The following USP9X variants were observed in gnomAD, a reference collection of about 807,000 sequenced individuals.
USP9X encodes ubiquitin specific peptidase 9 X-linked.
A neutral mutation model predicts 190.3 loss-of-function variants in USP9X; 7 were observed. That is an observed-to-expected ratio of 0.04 (90% CI 0.02 to 0.07). USP9X has a LOEUF of 0.07. Among genes scored for constraint, USP9X ranks in the 10% least tolerant of loss-of-function variants. USP9X has a pLI of 1.00. For synonymous variants in USP9X, 645 were observed against 659.5 expected, an observed-to-expected ratio of 0.98 and a Z score of 0.34; for missense variants, 1,010 against 1,916.9, an observed-to-expected ratio of 0.53 and a Z score of 8.83.
At chrX:41,140,363 C>T (rs773262068) in intron 6 of USP9X, among the ~76,000 whole-genome samples, 1 of 111,547 alleles carries the variant, frequency 9.0e-6, no homozygotes, top group South Asian at 3.7e-4. Flanking sequence ...GGTATTCATT[C>T]TTATATGGTG....
chrX:41,163,519 A>G (rs947548819), intron 15 of USP9X, among the ~76,000 whole-genome samples: 4 of 110,635 alleles, frequency 3.6e-5, no homozygotes, highest in African/African-American at 1.3e-4. Flanking sequence ...GGGGAGGCCA[A>G]GGCAAGTGGA....
chrX:41,149,895 T>C (rs1252504102), intron 12 of USP9X, among the ~76,000 whole-genome samples: 2 of 110,088 alleles, frequency 1.8e-5, no homozygotes, highest in African/African-American at 3.3e-5. Context: ...TAGTAGAGAC[T>C]GGGTTTCACC....
Position 41,188,264 on chromosome X carries a change from T to A in USP9X, c.3810+147T>A, listed in dbSNP as rs1396692407. The A allele has an allele frequency of 9.6e-6, 6 of 624,299 alleles. No individual in the cohort carries two copies. The East Asian group carries it at 2.3e-4, about 24-fold the overall frequency. The allele number at this position is 624,299 out of a possible 1,213,427, so 51.4% of individuals were successfully genotyped here. ...AATTAATTGATAGCTATGTTGAGAA[T>A]ATGGTAAAATTTTACTTTGAAAATG... On this transcript the variant is annotated intron_variant, in intron 25 of 44. Coordinates refer to ENST00000378308, the MANE Select transcript of USP9X (RefSeq NM_001039591.3).
Position 41,230,530 on chromosome X carries a change from A to C in USP9X, c.7461A>C (p.Glu2487Asp), listed in dbSNP as rs769126922. ...EEPDDQDAPD[E>D]HESPPPEDAP... ...CAGATGACCAAGATGCTCCAGATGA[A>C]CATGAGTCGCCTCCACCTGAAGATG... is the stretch of plus-strand genomic sequence containing the variant. Residue 2487 changes from glutamate to aspartate, a missense_variant, in exon 44 of 45, where the codon GAA becomes GAC. This residue lies in a region of USP9X where 48 missense variants were observed against 60.4 expected (regional missense o/e 0.79). Coordinates refer to ENST00000378308, the MANE Select transcript of USP9X (RefSeq NM_001039591.3). The C allele has an allele frequency of 1.7e-6, 2 of 1,211,311 alleles. No individual in the cohort carries two copies. Among genetic ancestry groups the C allele is most frequent in the South Asian group, 3.5e-5 (2 of 56,901 alleles).
At chrX:41,134,921 G>T in intron 5 of USP9X, 84 bp downstream of exon 5, 1 of 693,260 alleles carries the variant, frequency 1.4e-6, no homozygotes, top group South Asian at 3.5e-5. Flanking sequence ...GTGTGGCTGT[G>T]TTATATTTAT....
Position 41,217,318 on chromosome X carries a change from G to A in USP9X, c.6184G>A (p.Val2062Ile), listed in dbSNP as rs749659026. Reference protein sequence around the residue: ...LFTTGFHTKKVVRGSASDWYD... With the variant: ...LFTTGFHTKKIVRGSASDWYD... ...TACTACAGGATTTCACACAAAGAAA[G>A]TAGTCCGTGGCTCTGCCAGTGATTG... Residue 2062 changes from valine (V) to isoleucine (I), a missense_variant, in exon 36 of 45, where the codon GTA becomes ATA. Val to Ile is a conservative substitution (Grantham distance 29). Transcript: ENST00000378308. 8.3e-7 allele frequency: 1 copy of A among 1,210,129 alleles called. No homozygotes were observed. Among genetic ancestry groups the A allele is most frequent in the East Asian group, 3.0e-5 (1 of 33,755 alleles).
At chrX:41,207,003 C>T (rs7059102) in intron 32 of USP9X, among the ~76,000 whole-genome samples, 13,896 of 105,171 alleles carry the variant, frequency 0.13, 880 homozygotes, top group East Asian at 0.21. Context: ...CCAGTCTGGT[C>T]TCGAACTCCT....
rs769262260 is a variant in USP9X at position 41,160,080 on chromosome X, A to T, written c.1898-2710A>T. Among the ~76,000 whole-genome samples, 3 of 109,725 alleles carry T rather than the reference A, an allele frequency of 2.7e-5. No homozygotes were observed. In the South Asian group the frequency reaches 1.2e-3, roughly 43 times the overall value. On this transcript the variant is annotated intron_variant, in intron 14 of 44. Transcript: ENST00000378308. ...GGCCCTAGAAAACTTGCTGTTTATGATGACAAGAACCAATTTATGTTAGTC... is the reference window on the plus strand; with the variant it reads ...GGCCCTAGAAAACTTGCTGTTTATGTTGACAAGAACCAATTTATGTTAGTC...
chrX:41,115,270 C>T (rs1348445802), intron 1 of USP9X, among the ~76,000 whole-genome samples: 1 of 108,681 alleles, frequency 9.2e-6, no homozygotes, highest in Non-Finnish European at 1.9e-5. Context: ...TGAGGTCTGG[C>T]GCCCTCTACT....
At chrX:41,178,078 T>G (rs2062791714) in intron 21 of USP9X, among the ~76,000 whole-genome samples, 1 of 101,532 alleles carries the variant, frequency 9.8e-6, no homozygotes, top group African/African-American at 3.6e-5. Context: ...AATCCGAGGT[T>G]TAAATCTTTT....
intron 39 of USP9X, 56 bp from the exon 40 acceptor site, chrX:41,224,686 A>G: frequency 1.0e-6 from 1 of 973,760 alleles, no homozygotes; most frequent in East Asian, 3.1e-5. Flanking sequence ...AAAGTTGTGT[A>G]TTATTATTGT....
At position 41,197,352 on chromosome X, in the gene USP9X, C is replaced by CCCCCGGGGGCGGGG; in HGVS notation, c.4234-12_4234-11insCCCCGGGGGCGGGG. 1.0e-6 allele frequency: 1 copy of CCCCCGGGGGCGGGG among 988,203 alleles called. No individual in the cohort carries two copies. Among genetic ancestry groups the CCCCCGGGGGCGGGG allele is most frequent in the Non-Finnish European group, 1.3e-6 (1 of 759,373 alleles). 81.4% of individuals were successfully genotyped at this position (988,203 alleles called of 1,213,427 possible). On this transcript the variant is annotated splice_polypyrimidine_tract_variant and intron_variant, in intron 28 of 44. Coordinates refer to ENST00000378308, the MANE Select transcript of USP9X (RefSeq NM_001039591.3). The stretch of plus-strand genomic sequence containing the variant: ...TTCTTCCCCCCCCCACCCCACCCCC[C>CCCCCGGGGGCGGGG]GCCTTTGGCAGGATGATGTTAAAAG...
At chrX:41,125,676 A>ACT (rs1569158725) in intron 2 of USP9X, among the ~76,000 whole-genome samples, 1 of 41,732 alleles carries the variant, frequency 2.4e-5, no homozygotes, top group South Asian at 1.3e-3. Context: ...ACACACACAC[A>ACT]CACACACACT....
chrX:41,226,146 A>C (rs2063310444), intron 41 of USP9X, among the ~76,000 whole-genome samples: 1 of 112,353 alleles, frequency 8.9e-6, no homozygotes, highest in Non-Finnish European at 1.9e-5. Context: ...GCGAATTCAC[A>C]AATGTGGAAT....
At chrX:41,232,307 C>G in intron 44 of USP9X, 80 bp from the exon 45 acceptor site, 1 of 1,056,919 alleles carries the variant, frequency 9.5e-7, no homozygotes, top group Non-Finnish European at 1.3e-6. Flanking sequence ...GTATACATTT[C>G]CAGAGACTTC....
rs750882150 is a variant in USP9X at position 41,140,955 on chromosome X, T to C, written c.771-11T>C. ...CGTATTTACAGGAGTTTTGTATCTTTCTTATTTCAGACCATTTGGGCAATG... is the reference window on the plus strand; with the variant it reads ...CGTATTTACAGGAGTTTTGTATCTTCCTTATTTCAGACCATTTGGGCAATG... On this transcript the variant is annotated splice_polypyrimidine_tract_variant and intron_variant, in intron 7 of 44. Transcript: ENST00000378308. 4.0e-5 allele frequency: 47 copies of C among 1,164,193 alleles called. No homozygotes were observed. The highest frequency in any genetic ancestry group is 5.2e-5 in the Non-Finnish European group (46 of 877,974).
chrX:41,206,509 G>A lies in USP9X; in HGVS notation c.5015+1016G>A, dbSNP rs192660774. Among the ~76,000 whole-genome samples, 323 of 111,130 alleles carry A rather than the reference G, an allele frequency of 2.9e-3. 1 individual carries two copies. Among genetic ancestry groups the A allele is most frequent in the African/African-American group, 1.0e-2 (306 of 30,604 alleles). On this transcript the variant is annotated intron_variant, in intron 32 of 44. Transcript: ENST00000378308. Reference sequence around the variant, plus strand: ...AATCGGAGGACAAATAGTTTAGCATGTAAATTTTCCCACAGTCTGAATTTT... The same window carrying A: ...AATCGGAGGACAAATAGTTTAGCATATAAATTTTCCCACAGTCTGAATTTT...
intron 3 of USP9X, among the ~76,000 whole-genome samples, chrX:41,130,875 G>A (rs978506033): frequency 2.7e-5 from 3 of 110,863 alleles, no homozygotes; most frequent in Admixed American, 1.9e-4. Flanking sequence ...ACAGGCATGT[G>A]CCATCACACC....
At chrX:41,123,763 C>T (rs2062210835) in intron 2 of USP9X, 39 bp downstream of exon 2, 1 of 1,146,010 alleles carries the variant, frequency 8.7e-7, no homozygotes, top group African/African-American at 1.8e-5. Context: ...TACAGTGGGG[C>T]TGGACTCAGT....
Sources: allele counts gnomAD v4.1 joint callset (sites outside exome capture counted in the v4.1 genomes callset), GRCh38; gene constraint gnomAD v4.1.1; regional missense constraint gnomAD v4.1.1; transcripts MANE v1.5; gene names NCBI Gene and HGNC (gene_info 2026-07-23, HGNC 2026-07-21).